The following PDGFD variants were observed in gnomAD, a reference collection of about 807,000 sequenced individuals.
The protein encoded by PDGFD is platelet-derived growth factor D.
Under a neutral mutation model 44.7 loss-of-function variants are expected in PDGFD, and 30 were observed. That is an observed-to-expected ratio of 0.67 (90% CI 0.50 to 0.91). The LOEUF is 0.91. Ranked by LOEUF, PDGFD falls within the 40% of genes least tolerant of loss-of-function variation. The pLI is 0.00. For synonymous variants in PDGFD, 173 were observed against 168.4 expected, an observed-to-expected ratio of 1.03 and a Z score of -0.21; for missense variants, 445 against 457.8, an observed-to-expected ratio of 0.97 and a Z score of 0.25.
intron 1 of PDGFD, among the ~76,000 whole-genome samples, chr11:104,051,575 T>C (rs1254070752): frequency 6.6e-6 from 1 of 151,992 alleles, no homozygotes; most frequent in Non-Finnish European, 1.5e-5. Context: ...AAATTTAAGG[T>C]AGGTGATTGT....
At chr11:104,092,039 T>C (rs992242835) in intron 1 of PDGFD, among the ~76,000 whole-genome samples, 15 of 152,102 alleles carry the variant, frequency 9.9e-5, no homozygotes, top group Non-Finnish European at 2.2e-4. Context: ...GAAGTGAGGG[T>C]GACTATTTCT....
intron 1 of PDGFD, among the ~76,000 whole-genome samples, chr11:104,103,448 A>ATGTGTGTGTG (rs377722057): frequency 0.01 from 1,288 of 123,104 alleles, 14 homozygotes; most frequent in African/African-American, 0.026. Flanking sequence ...ACAGACAATT[A>ATGTGTGTGTG]TGTGTGTGTG....
At chr11:104,119,909 G>T (rs118141289) in intron 1 of PDGFD, among the ~76,000 whole-genome samples, 16,550 of 124,332 alleles carry the variant, frequency 0.13, 1,166 homozygotes, top group East Asian at 0.29. Flanking sequence ...TAATATATAA[G>T]CAATTATTAT....
At chr11:103,926,841 G>A in intron 6 of PDGFD, 71 bp downstream of exon 6, 3 of 1,454,798 alleles carry the variant, frequency 2.1e-6, no homozygotes, top group Non-Finnish European at 2.8e-6. Flanking sequence ...CTGAACAACT[G>A]TATGCAATGG....
At chr11:104,130,364 G>A (rs1591179569) in intron 1 of PDGFD, among the ~76,000 whole-genome samples, 1 of 152,268 alleles carries the variant, frequency 6.6e-6, no homozygotes, top group East Asian at 1.9e-4. Context: ...GGTTCTCTAG[G>A]TGGTGATGTG....
intron 1 of PDGFD, among the ~76,000 whole-genome samples, chr11:104,128,810 T>C (rs1332690918): frequency 1.3e-5 from 2 of 152,164 alleles, no homozygotes; most frequent in East Asian, 3.9e-4. Flanking sequence ...ATAATGCACA[T>C]GAAGTTCTTG....
intron 1 of PDGFD, among the ~76,000 whole-genome samples, chr11:104,027,478 A>G (rs1162541705): frequency 2.2e-4 from 33 of 152,258 alleles, no homozygotes; most frequent in Non-Finnish European, 2.9e-5. Context: ...TTAAGTCCAC[A>G]CCAAAATCCT....
chr11:103,992,579 G>A (rs750687489), intron 3 of PDGFD, among the ~76,000 whole-genome samples: 1 of 152,220 alleles, frequency 6.6e-6, no homozygotes, highest in African/African-American at 2.4e-5. Context: ...TCTAAGGTAT[G>A]CTTTATGGTA....
At chr11:103,947,137 AG>A (rs943640188) in intron 4 of PDGFD, among the ~76,000 whole-genome samples, 4 of 152,356 alleles carry the variant, frequency 2.6e-5, no homozygotes, top group Admixed American at 1.3e-4. Context: ...GAAAAACTGG[AG>A]CATGAACCAT....
chr11:104,059,823 G>C (rs1363919601), intron 1 of PDGFD, among the ~76,000 whole-genome samples: 4 of 152,122 alleles, frequency 2.6e-5, no homozygotes, highest in Admixed American at 2.6e-4. Flanking sequence ...ACTAAAATGA[G>C]AACAGGATCT....
At chr11:103,947,486 G>T (rs1235604925) in intron 4 of PDGFD, among the ~76,000 whole-genome samples, 176 bp downstream of exon 4, 1 of 152,164 alleles carries the variant, frequency 6.6e-6, no homozygotes, top group Admixed American at 6.5e-5. Context: ...GACAGACAGG[G>T]AAAAGGGTTT....
intron 1 of PDGFD, among the ~76,000 whole-genome samples, chr11:104,014,402 T>TA (rs1316090042): frequency 6.6e-6 from 1 of 152,128 alleles, no homozygotes; most frequent in Non-Finnish European, 1.5e-5. Flanking sequence ...GAGCTGAGGC[T>TA]GGAGGACTGC....
chr11:104,131,748 C>T (rs930640434), intron 1 of PDGFD, among the ~76,000 whole-genome samples: 4 of 133,020 alleles, frequency 3.0e-5, no homozygotes, highest in Admixed American at 1.8e-4. Flanking sequence ...TCTCCTTAGA[C>T]AGAGACACTG....
chr11:104,114,663 C>T (rs1861606032), intron 1 of PDGFD, among the ~76,000 whole-genome samples: 1 of 151,966 alleles, frequency 6.6e-6, no homozygotes, highest in Admixed American at 6.6e-5. Context: ...GGGATTACCA[C>T]TTGAATCTAT....
chr11:104,037,871 T>A, intron 1 of PDGFD: 1 of 1,614,162 alleles, frequency 6.2e-7, no homozygotes, highest in South Asian at 1.1e-5. Flanking sequence ...AATGTGCTGG[T>A]CATCGGCACC....
At chr11:103,943,094 G>A (rs1858611713) in intron 5 of PDGFD, among the ~76,000 whole-genome samples, 1 of 152,088 alleles carries the variant, frequency 6.6e-6, no homozygotes, top group African/African-American at 2.4e-5. Context: ...ACATGACAAT[G>A]GACTGATAGT....
chr11:104,034,800 G>A (rs570552713), intron 1 of PDGFD, among the ~76,000 whole-genome samples: 4 of 151,978 alleles, frequency 2.6e-5, no homozygotes, highest in Non-Finnish European at 4.4e-5. Context: ...CCACCACAAC[G>A]CCTGGCTAAT....
At chr11:104,054,167 TTGACTACTGGGAAGCG>T (rs1860586163) in intron 1 of PDGFD, among the ~76,000 whole-genome samples, 1 of 152,228 alleles carries the variant, frequency 6.6e-6, no homozygotes, top group Admixed American at 6.5e-5. Flanking sequence ...TAACTGGATT[TTGACTACTGGGAAGCG>T]ATTTCTGCAA....
intron 6 of PDGFD, among the ~76,000 whole-genome samples, chr11:103,919,502 C>T (rs1411713999): frequency 5.6e-5 from 5 of 88,762 alleles, no homozygotes; most frequent in South Asian, 4.4e-4. Flanking sequence ...AAGATTCTTC[C>T]TTTTTTTTTT....
Sources: gnomAD v4.1 joint callset for allele counts (sites outside exome capture counted in the v4.1 genomes callset) on GRCh38, gnomAD v4.1.1 for gene constraint, MANE v1.5 for transcripts, NCBI Gene and HGNC (gene_info 2026-07-23, HGNC 2026-07-21) for gene names.